The following LRRC4C variants were observed in gnomAD, a reference collection of about 807,000 sequenced individuals.
LRRC4C encodes leucine rich repeat containing 4C.
A neutral mutation model predicts 33.6 loss-of-function variants in LRRC4C; 5 were observed. That is an observed-to-expected ratio of 0.15 (90% CI 0.08 to 0.31). The LOEUF is 0.31. Among genes scored for constraint, LRRC4C ranks in the 10% least tolerant of loss-of-function variants. LRRC4C has a pLI of 1.00. For synonymous variants in LRRC4C, 329 were observed against 302.0 expected, an observed-to-expected ratio of 1.09 and a Z score of -0.93; for missense variants, 560 against 796.7, an observed-to-expected ratio of 0.70 and a Z score of 3.58.
chr11:41,404,424 G>A (rs984765615), intron 1 of LRRC4C, among the ~76,000 whole-genome samples: 1 of 151,592 alleles, frequency 6.6e-6, no homozygotes, highest in Non-Finnish European at 1.5e-5. Flanking sequence ...GAACTGGTCT[G>A]GGCAGCATCA....
chr11:40,653,036 T>C (rs1049815368), intron 2 of LRRC4C, among the ~76,000 whole-genome samples: 2 of 152,194 alleles, frequency 1.3e-5, no homozygotes, highest in African/African-American at 4.8e-5. Context: ...CTGCCATGAT[T>C]GTAAGTGTCA....
intron 2 of LRRC4C, among the ~76,000 whole-genome samples, chr11:40,902,559 A>T (rs1212779275): frequency 2.0e-5 from 3 of 152,198 alleles, no homozygotes; most frequent in Non-Finnish European, 4.4e-5. Flanking sequence ...AAGCCAGCCC[A>T]GATAGGCCAA....
At chr11:41,200,666 C>G (rs553958509) in intron 1 of LRRC4C, among the ~76,000 whole-genome samples, 1 of 152,288 alleles carries the variant, frequency 6.6e-6, no homozygotes, top group Admixed American at 6.5e-5. Flanking sequence ...CTTAAAACCA[C>G]TGTGTTTTCT....
chr11:40,659,189 G>T (rs1484498045), intron 2 of LRRC4C, among the ~76,000 whole-genome samples: 1 of 152,352 alleles, frequency 6.6e-6, no homozygotes, highest in Non-Finnish European at 1.5e-5. Context: ...CTCAGGCTCT[G>T]TTGTGACCCA....
intron 3 of LRRC4C, among the ~76,000 whole-genome samples, chr11:40,615,322 C>A (rs1391568808): frequency 6.8e-6 from 1 of 146,460 alleles, no homozygotes; most frequent in Non-Finnish European, 1.5e-5. Context: ...ACTGCTTTTT[C>A]TTATTAAGAA....
At chr11:41,446,025 A>G (rs1955814806) in intron 1 of LRRC4C, among the ~76,000 whole-genome samples, 1 of 152,212 alleles carries the variant, frequency 6.6e-6, no homozygotes, top group Non-Finnish European at 1.5e-5. Context: ...CTACACATTT[A>G]TTTGTTGAAT....
At chr11:41,186,368 C>T (rs1431709424) in intron 1 of LRRC4C, among the ~76,000 whole-genome samples, 1 of 151,958 alleles carries the variant, frequency 6.6e-6, no homozygotes, top group African/African-American at 2.4e-5. Flanking sequence ...GAAAATATAA[C>T]AGAGAAAAAT....
At chr11:40,673,768 A>C (rs1944248477) in intron 2 of LRRC4C, among the ~76,000 whole-genome samples, 1 of 152,314 alleles carries the variant, frequency 6.6e-6, no homozygotes, top group Admixed American at 6.5e-5. Flanking sequence ...CACTGAGAGG[A>C]TTAAAAGGAT....
At chr11:40,991,189 C>T (rs1401359552) in intron 1 of LRRC4C, among the ~76,000 whole-genome samples, 2 of 127,770 alleles carry the variant, frequency 1.6e-5, no homozygotes, top group African/African-American at 6.0e-5. Context: ...GTGAACCTGG[C>T]AGCTTCCCAA....
intron 1 of LRRC4C, among the ~76,000 whole-genome samples, chr11:41,058,038 C>T (rs1279636831): frequency 6.6e-6 from 1 of 152,224 alleles, no homozygotes; most frequent in African/African-American, 2.4e-5. Flanking sequence ...TTCCTTTTCA[C>T]AGGACAAGAA....
At chr11:40,362,775 C>T (rs1948017727) in intron 3 of LRRC4C, among the ~76,000 whole-genome samples, 1 of 152,126 alleles carries the variant, frequency 6.6e-6, no homozygotes, top group Non-Finnish European at 1.5e-5. Context: ...AGACGCTTCT[C>T]AAAAGCAGAC....
intron 3 of LRRC4C, among the ~76,000 whole-genome samples, chr11:40,437,425 GCT>G (rs1397459628): frequency 6.8e-6 from 1 of 147,724 alleles, no homozygotes; most frequent in Non-Finnish European, 1.5e-5. Flanking sequence ...ATGGAGTCTT[GCT>G]CTGTCACCCA....
At chr11:40,353,905 G>A (rs1009097106) in intron 3 of LRRC4C, among the ~76,000 whole-genome samples, 3 of 152,136 alleles carry the variant, frequency 2.0e-5, no homozygotes, top group Admixed American at 6.5e-5. Context: ...CTTCATGCTC[G>A]TGAATGTTCT....
intron 5 of LRRC4C, among the ~76,000 whole-genome samples, chr11:40,188,577 G>A (rs59737213): frequency 1.7e-3 from 255 of 152,190 alleles, no homozygotes; most frequent in African/African-American, 5.9e-3. Flanking sequence ...GGTTTCAAAA[G>A]GTTTGAACAA....
intron 2 of LRRC4C, among the ~76,000 whole-genome samples, chr11:40,896,158 T>C (rs903970295): frequency 1.3e-5 from 2 of 152,156 alleles, no homozygotes; most frequent in African/African-American, 4.8e-5. Context: ...AATCATAATA[T>C]AGGATTTTGC....
At chr11:41,143,019 A>T (rs367888151) in intron 1 of LRRC4C, among the ~76,000 whole-genome samples, 1 of 152,160 alleles carries the variant, frequency 6.6e-6, no homozygotes. Flanking sequence ...AAAATTCTAG[A>T]TTCAATCCTG....
At chr11:41,424,275 T>C (rs1337907888) in intron 1 of LRRC4C, among the ~76,000 whole-genome samples, 2 of 151,940 alleles carry the variant, frequency 1.3e-5, no homozygotes, top group East Asian at 3.9e-4. Flanking sequence ...AGGATAGACA[T>C]AAATAATCTG....
chr11:40,330,000 C>A (rs1420284879), intron 3 of LRRC4C, among the ~76,000 whole-genome samples: 1 of 152,128 alleles, frequency 6.6e-6, no homozygotes, highest in East Asian at 1.9e-4. Flanking sequence ...TTCGGCCTCC[C>A]AAAGTGCTGG....
chr11:40,326,245 G>T (rs938114238), intron 3 of LRRC4C, among the ~76,000 whole-genome samples: 1 of 152,016 alleles, frequency 6.6e-6, no homozygotes. Context: ...GAGGGCTCAG[G>T]CTTCTTTGGC....
Sources: allele counts gnomAD v4.1 joint callset (sites outside exome capture counted in the v4.1 genomes callset), GRCh38; gene constraint gnomAD v4.1.1; transcripts MANE v1.5; gene names NCBI Gene and HGNC (gene_info 2026-07-23, HGNC 2026-07-21).